BLM: variants seen among roughly 807,000 people sequenced by gnomAD.
BLM encodes the protein recQ-like DNA helicase BLM.
In BLM, 95 loss-of-function variants were observed where a neutral mutation model predicts 135.3. That is an observed-to-expected ratio of 0.70 (90% CI 0.59 to 0.83). The LOEUF is 0.83. BLM is among the 40% of genes least tolerant of loss of function. The probability of loss-of-function intolerance (pLI) is 0.00; values close to 1 mark genes in which losing one functional copy is unlikely to be tolerated. For synonymous variants in BLM, 520 were observed against 589.2 expected (o/e 0.88, Z 1.70); for missense variants, 1,518 against 1,663.9 (o/e 0.91, Z 1.53).
intron 1 of BLM, among the ~76,000 whole-genome samples, chr15:90,728,191 C>G (rs1420005586): frequency 6.6e-6 from 1 of 151,936 alleles, no homozygotes; most frequent in Non-Finnish European, 1.5e-5. Context: ...CACATGCCAC[C>G]ATGACCAACA....
intron 8 of BLM, among the ~76,000 whole-genome samples, chr15:90,764,855 G>A (rs1047416511): frequency 1.3e-5 from 2 of 152,134 alleles, no homozygotes; most frequent in East Asian, 1.9e-4. Flanking sequence ...GCTGAGGCAG[G>A]TGGATTACCT....
At chr15:90,753,177 G>A (rs1164291729) in intron 4 of BLM, among the ~76,000 whole-genome samples, 5 of 152,136 alleles carry the variant, frequency 3.3e-5, no homozygotes, top group Non-Finnish European at 7.4e-5. Context: ...CAAGGCTGTA[G>A]TATGCTGTGA....
intron 1 of BLM, among the ~76,000 whole-genome samples, chr15:90,733,822 A>G (rs1357837500): frequency 6.6e-6 from 1 of 152,194 alleles, no homozygotes; most frequent in Admixed American, 6.5e-5. Context: ...TCAACCACTT[A>G]TCTGGTTTCT....
At chr15:90,811,920 A>T (rs28385162) in intron 21 of BLM, among the ~76,000 whole-genome samples, 1 of 152,238 alleles carries the variant, frequency 6.6e-6, no homozygotes, top group Middle Eastern at 3.4e-3. Context: ...GGTCTCCCCA[A>T]AGTGCTGGAT....
chr15:90,809,992 CAGG>C (rs1897371716), intron 20 of BLM, among the ~76,000 whole-genome samples: 5 of 152,156 alleles, frequency 3.3e-5, no homozygotes, highest in African/African-American at 1.2e-4. Context: ...TGCTTCCAGA[CAGG>C]CAGTGTGGGG....
chr15:90,782,394 A>C (rs1019430326), intron 12 of BLM, among the ~76,000 whole-genome samples: 3 of 152,144 alleles, frequency 2.0e-5, no homozygotes, highest in African/African-American at 7.2e-5. Flanking sequence ...TCTCAAAAAA[A>C]AACAAAACAA....
chr15:90,815,327 C>G lies in BLM; in HGVS notation c.*48C>G, dbSNP rs780528939. 6.3e-7 allele frequency: 1 copy of G among 1,582,262 alleles called. No individual in the cohort carries two copies. Among genetic ancestry groups the G allele is most frequent in the East Asian group, 2.2e-5 (1 of 44,734 alleles). On this transcript the variant is annotated 3_prime_UTR_variant, in exon 22 of 22. Transcript: ENST00000355112. This position sits in a 1 kb window ranked among gnomAD's most constrained non-coding sequence, Gnocchi z 4.6. ...GACCCTCTTTCTTGTTTGTCAGCAT[C>G]TGACCATCTGTGACTATAAAGCTGT...
chr15:90,784,153 T>A (rs959730346), intron 13 of BLM, among the ~76,000 whole-genome samples: 2 of 152,106 alleles, frequency 1.3e-5, no homozygotes, highest in Non-Finnish European at 2.9e-5. Context: ...GTTTCCCTAA[T>A]GTTGCTCAGT....
intron 15 of BLM, among the ~76,000 whole-genome samples, chr15:90,793,222 A>C (rs1896949968): frequency 6.8e-6 from 1 of 146,626 alleles, no homozygotes; most frequent in Admixed American, 6.8e-5. Context: ...TACAACCTCC[A>C]CCTCCTGGGT....
At chr15:90,751,998 T>C in intron 4 of BLM, 52 bp downstream of exon 4, 2 of 1,471,858 alleles carry the variant, frequency 1.4e-6, no homozygotes. Context: ...ATACTTTAAA[T>C]TGTTTAATTT....
At chr15:90,729,257 C>T (rs368646330) in intron 1 of BLM, among the ~76,000 whole-genome samples, 1 of 152,076 alleles carries the variant, frequency 6.6e-6, no homozygotes. Flanking sequence ...TTGCAGTTTG[C>T]CGAGATCGCG....
intron 12 of BLM, among the ~76,000 whole-genome samples, chr15:90,773,146 G>A (rs967384007): frequency 2.9e-5 from 4 of 139,246 alleles, no homozygotes; most frequent in African/African-American, 5.3e-5. Flanking sequence ...GCAGCCGAGC[G>A]CAGTGGCTCA....
chr15:90,726,151 C>T (rs1340477501), intron 1 of BLM, among the ~76,000 whole-genome samples: 1 of 152,146 alleles, frequency 6.6e-6, no homozygotes, highest in East Asian at 1.9e-4. Context: ...TGGGAGCATT[C>T]AATATCCTCC....
chr15:90,815,299 A>C lies in BLM; in HGVS notation c.*20A>C, dbSNP rs1386123223. ...TCATAACAACCGAATCTCAATGTAC[A>C]TAGACCCTCTTTCTTGTTTGTCAGC... is the stretch of plus-strand genomic sequence containing the variant. On this transcript the variant is annotated 3_prime_UTR_variant, in exon 22 of 22. Transcript: ENST00000355112. The surrounding 1 kb of genome is among the most constrained non-coding windows in gnomAD (Gnocchi z 4.6). The C allele has an allele frequency of 6.2e-7, 1 of 1,609,822 alleles. No individual in the cohort carries two copies. Among genetic ancestry groups the C allele is most frequent in the South Asian group, 1.1e-5 (1 of 90,990 alleles).
Position 90,765,304 on chromosome 15 carries a change from AAG to A in BLM, c.2086_2087del (p.Ser696PhefsTer44). ...CFILMPTGGG[K>X]SLCYQLPACV... is the part of the protein sequence containing the mutation. ...TCATTGTTCTCTTTCAGGAGGTGGT[AAG>A]AGTTTGTGTTACCAGCTCCCTGCCT... On this transcript the variant is annotated frameshift_variant, in exon 9 of 22. Transcript: ENST00000355112. LOFTEE classifies it high-confidence loss of function. 1.9e-6 allele frequency: 3 copies of A among 1,607,428 alleles called. No individual in the cohort carries two copies. The highest frequency in any genetic ancestry group is 2.6e-6 in the Non-Finnish European group (3 of 1,173,956).
intron 18 of BLM, 36 bp downstream of exon 18, chr15:90,803,756 A>T: frequency 6.3e-7 from 1 of 1,595,000 alleles, no homozygotes; most frequent in East Asian, 2.2e-5. Flanking sequence ...ATTATCTCAC[A>T]ATGAGTGAAC....
chr15:90,743,242 G>T (rs557592687), intron 1 of BLM, among the ~76,000 whole-genome samples: 26 of 151,228 alleles, frequency 1.7e-4, no homozygotes, highest in Non-Finnish European at 3.5e-4. Flanking sequence ...GCCTCCCAAA[G>T]TGCTGGGATT....
intron 13 of BLM, among the ~76,000 whole-genome samples, chr15:90,784,277 G>A (rs1896686281): frequency 1.4e-5 from 2 of 147,018 alleles, no homozygotes; most frequent in African/African-American, 5.0e-5. Context: ...TAAGACTCTT[G>A]ATACATACTG....
At chr15:90,765,443 C>A (rs151151679) in intron 9 of BLM, 29 bp downstream of exon 9, 1 of 1,483,424 alleles carries the variant, frequency 6.7e-7, no homozygotes, top group Non-Finnish European at 9.4e-7. Context: ...AATAAAAACA[C>A]GCCTTAGAAA....
Sources: gnomAD v4.1 joint callset for allele counts (sites outside exome capture counted in the v4.1 genomes callset) on GRCh38, gnomAD v4.1.1 for gene constraint, Gnocchi (gnomAD v3.1) non-coding constraint, MANE v1.5 for transcripts, NCBI Gene and HGNC (gene_info 2026-07-23, HGNC 2026-07-21) for gene names.